GMDS: variants seen among roughly 807,000 people sequenced by gnomAD.
GMDS encodes GDP-mannose 4,6-dehydratase, also known as GDP-mannose 4,6 dehydratase.
A neutral mutation model predicts 49.9 loss-of-function variants in GMDS; 20 were observed. The observed-to-expected ratio is 0.40, with a 90% CI of 0.28 to 0.58. GMDS has a LOEUF of 0.58. Ranked by LOEUF, GMDS falls within the 20% of genes least tolerant of loss-of-function variation. The pLI is 0.42. For synonymous variants in GMDS, 177 were observed against 178.6 expected, an observed-to-expected ratio of 0.99 and a Z score of 0.07; for missense variants, 362 against 481.4, an observed-to-expected ratio of 0.75 and a Z score of 2.32.
intron 7 of GMDS, among the ~76,000 whole-genome samples, chr6:1,891,823 T>A (rs1759884389): frequency 1.3e-5 from 2 of 152,172 alleles, no homozygotes; most frequent in Admixed American, 1.3e-4. Flanking sequence ...AGAAGTTTGA[T>A]AACCACTGAG....
At chr6:1,649,853 T>C (rs1159433031) in intron 9 of GMDS, among the ~76,000 whole-genome samples, 2 of 152,200 alleles carry the variant, frequency 1.3e-5, no homozygotes, top group Non-Finnish European at 2.9e-5. Context: ...AAAACAGTTT[T>C]AGGTGACTTG....
At chr6:1,976,998 T>G (rs1156647006) in intron 4 of GMDS, among the ~76,000 whole-genome samples, 2 of 152,258 alleles carry the variant, frequency 1.3e-5, no homozygotes, top group East Asian at 3.9e-4. Flanking sequence ...GCAAAGCACC[T>G]GAAGACAAGA....
chr6:2,191,248 C>T lies in GMDS; in HGVS notation c.102+54073G>A, dbSNP rs1779003102. ...CCCGCTATCCGCTCCTGGAGGCACC[C>T]CCTGGGGAAGGGCCGCAAGCGGGAT... is the stretch of plus-strand genomic sequence containing the variant. On this transcript the variant is annotated intron_variant, in intron 1 of 10. Transcript: ENST00000380815. This position sits in a 1 kb window ranked among gnomAD's most constrained non-coding sequence, Gnocchi z 4.6. 2.0e-5 allele frequency among the ~76,000 whole-genome samples: 3 copies of T among 152,154 alleles called. No individual in the cohort carries two copies. The highest frequency in any genetic ancestry group is 4.4e-5 in the Non-Finnish European group (3 of 67,992).
chr6:1,914,508 A>G (rs1410914875), intron 7 of GMDS, among the ~76,000 whole-genome samples: 1 of 151,998 alleles, frequency 6.6e-6, no homozygotes, highest in African/African-American at 2.4e-5. Context: ...CTTTAAATAC[A>G]GAGTCTGAAG....
Position 1,648,105 on chromosome 6 carries a change from G to C in GMDS, c.988-23565C>G, listed in dbSNP as rs147527415. Among the ~76,000 whole-genome samples, 30 of 152,320 alleles carry C rather than the reference G, an allele frequency of 2.0e-4. 1 individual carries two copies. Among genetic ancestry groups the C allele is most frequent in the Middle Eastern group, 6.8e-3 (2 of 294 alleles). On this transcript the variant is annotated intron_variant, in intron 9 of 10. Coordinates refer to ENST00000380815, the MANE Select transcript of GMDS (RefSeq NM_001500.4). ...GACTCAAAATATATCTCTTGAGAGA[G>C]TGAGGACATCCTCGCCTAAAGCTCT...
At chr6:1,658,134 T>C (rs1763949519) in intron 9 of GMDS, among the ~76,000 whole-genome samples, 2 of 152,142 alleles carry the variant, frequency 1.3e-5, no homozygotes, top group African/African-American at 4.8e-5. Flanking sequence ...ATTTTGAGGG[T>C]TATTTGCCTT....
intron 7 of GMDS, among the ~76,000 whole-genome samples, chr6:1,820,498 A>ATATATATATATATAT (rs1770846508): frequency 1.3e-5 from 2 of 152,186 alleles, no homozygotes; most frequent in Non-Finnish European, 1.5e-5. Context: ...TAAAATTTAG[A>ATATATATATATATAT]ATAACTTTTG....
chr6:1,841,419 A>T lies in GMDS; in HGVS notation c.771+88684T>A, dbSNP rs2113747102. Among the ~76,000 whole-genome samples the T allele has an allele frequency of 2.0e-5, 3 of 152,334 alleles. 1 individual carries two copies. The South Asian group carries it at 6.2e-4, about 32-fold the overall frequency. On this transcript the variant is annotated intron_variant, in intron 7 of 10. Transcript: ENST00000380815. ...TCCCAAACTCTCACTGCAAAGTGAA[A>T]CTTCTATCGAACCTAACAAACTCAC... is the stretch of plus-strand genomic sequence containing the variant.
At chr6:1,698,079 G>T (rs1765405324) in intron 9 of GMDS, among the ~76,000 whole-genome samples, 1 of 152,196 alleles carries the variant, frequency 6.6e-6, no homozygotes, top group African/African-American at 2.4e-5. Context: ...AGTAGACAAA[G>T]AGGAGCGCCG....
At chr6:1,960,118 GT>G (rs1241368622) in intron 5 of GMDS, 147 bp from the exon 6 acceptor site, 4 of 506,548 alleles carry the variant, frequency 7.9e-6, no homozygotes, top group Non-Finnish European at 1.4e-5. Flanking sequence ...CGAAATAAAG[GT>G]TATTACACCT....
chr6:2,134,363 T>C (rs191640675), intron 1 of GMDS, among the ~76,000 whole-genome samples: 3 of 152,328 alleles, frequency 2.0e-5, no homozygotes, highest in Admixed American at 6.5e-5. Flanking sequence ...GTGGTACTGA[T>C]AGAAAACATT....
intron 9 of GMDS, among the ~76,000 whole-genome samples, chr6:1,704,155 T>G (rs1765638676): frequency 6.6e-6 from 1 of 152,144 alleles, no homozygotes; most frequent in Non-Finnish European, 1.5e-5. Flanking sequence ...ACGCTGATGA[T>G]ACAGTGAGTC....
intron 4 of GMDS, among the ~76,000 whole-genome samples, chr6:1,998,376 G>A (rs957209749): frequency 6.6e-6 from 1 of 151,902 alleles, no homozygotes; most frequent in Non-Finnish European, 1.5e-5. Flanking sequence ...GAGCTCCCTA[G>A]TAAGAAATAA....
At chr6:1,847,894 G>A (rs1383365926) in intron 7 of GMDS, among the ~76,000 whole-genome samples, 2 of 152,238 alleles carry the variant, frequency 1.3e-5, no homozygotes, top group East Asian at 3.9e-4. Context: ...TGTCTAACGG[G>A]AAGATCAGCA....
At position 1,670,377 on chromosome 6, in the gene GMDS, T is replaced by G. The variant is rs567331014; in HGVS notation, c.988-45837A>C. Among the ~76,000 whole-genome samples the G allele has an allele frequency of 1.2e-4, 18 of 151,968 alleles. No individual in the cohort carries two copies. In the South Asian group the frequency reaches 3.7e-3, roughly 32 times the overall value. On this transcript the variant is annotated intron_variant, in intron 9 of 10. Transcript: ENST00000380815. ...GTTTCTGGGTTTTTTTTGGTTTTTT[T>G]TTTTTTTCACCTGCACTAAAAATGA...
At chr6:1,922,941 A>G (rs958978583) in intron 7 of GMDS, among the ~76,000 whole-genome samples, 1 of 152,214 alleles carries the variant, frequency 6.6e-6, no homozygotes, top group East Asian at 1.9e-4. Context: ...GGTGGGAGAT[A>G]ACTGAATCAT....
intron 1 of GMDS, among the ~76,000 whole-genome samples, chr6:2,204,981 G>C (rs1779731105): frequency 6.6e-6 from 1 of 152,162 alleles, no homozygotes; most frequent in Admixed American, 6.5e-5. Context: ...TGTGTGGTTT[G>C]ATGAAGAACT....
chr6:2,121,640 A>G (rs963612796), intron 2 of GMDS, among the ~76,000 whole-genome samples: 15 of 152,208 alleles, frequency 9.9e-5, no homozygotes, highest in African/African-American at 3.6e-4. Flanking sequence ...CAACTAATCA[A>G]TCTGTTAGTA....
chr6:1,983,850 T>C (rs1765374654), intron 4 of GMDS, among the ~76,000 whole-genome samples: 1 of 152,202 alleles, frequency 6.6e-6, no homozygotes, highest in Non-Finnish European at 1.5e-5. Flanking sequence ...TACCATTTTA[T>C]CCAGCAATCC....
Sources: allele counts gnomAD v4.1 joint callset (sites outside exome capture counted in the v4.1 genomes callset), GRCh38; gene constraint gnomAD v4.1.1; non-coding constraint Gnocchi (gnomAD v3.1); transcripts MANE v1.5; gene names NCBI Gene and HGNC (gene_info 2026-07-23, HGNC 2026-07-21).